UNC5D: variants seen among roughly 807,000 people sequenced by gnomAD.
UNC5D encodes the protein unc-5 netrin receptor D.
In UNC5D, 39 loss-of-function variants were observed where a neutral mutation model predicts 105.4. That is an observed-to-expected ratio of 0.37 (90% CI 0.29 to 0.48). UNC5D has a LOEUF of 0.48. Among genes scored for constraint, UNC5D ranks in the 20% least tolerant of loss-of-function variants. The pLI, the probability that UNC5D is intolerant of heterozygous loss-of-function variation, is 0.98. For missense variants in UNC5D, 991 were observed against 1,202.4 expected, an observed-to-expected ratio of 0.82 and a Z score of 2.60; for synonymous variants, 452 against 450.4, an observed-to-expected ratio of 1.00 and a Z score of -0.04.
At chr8:35,704,093 A>G (rs571438236) in intron 7 of UNC5D, among the ~76,000 whole-genome samples, 1 of 152,256 alleles carries the variant, frequency 6.6e-6, no homozygotes, top group Non-Finnish European at 1.5e-5. Flanking sequence ...TGATCATATC[A>G]ACATCAACAA....
At chr8:35,566,993 T>G (rs1817388708) in intron 2 of UNC5D, among the ~76,000 whole-genome samples, 1 of 151,726 alleles carries the variant, frequency 6.6e-6, no homozygotes, top group Admixed American at 6.6e-5. Flanking sequence ...TAGTCCTTGG[T>G]CAAAGGTGGA....
chr8:35,599,477 AT>A (rs1390753801), intron 4 of UNC5D, among the ~76,000 whole-genome samples: 7 of 152,202 alleles, frequency 4.6e-5, no homozygotes, highest in Non-Finnish European at 1.0e-4. Flanking sequence ...TACATGAAAA[AT>A]ATATACAATT....
intron 1 of UNC5D, among the ~76,000 whole-genome samples, chr8:35,237,188 T>G (rs1030944622): frequency 1.5e-4 from 22 of 144,932 alleles, no homozygotes; most frequent in Non-Finnish European, 2.0e-4. Context: ...AGTTTTTTTT[T>G]TTTTTTTTTT....
chr8:35,400,198 T>C (rs1024283158), intron 1 of UNC5D, among the ~76,000 whole-genome samples: 29 of 152,124 alleles, frequency 1.9e-4, no homozygotes, highest in African/African-American at 7.0e-4. Context: ...CATGTCTTTG[T>C]AGTGTAAGCC....
rs1432425793 is a variant in UNC5D at position 35,595,655 on chromosome 8, G to A, written c.568G>A (p.Glu190Lys). Reference protein sequence around the residue: ...CRPPEGVPAAEVEWLKNEEPI... With the variant: ...CRPPEGVPAAKVEWLKNEEPI... ...CCCACCAGAGGGAGTCCCTGCTGCCGAGGTAAGACAGGATCCTGGGACCAG... is the reference window on the plus strand; with the variant it reads ...CCCACCAGAGGGAGTCCCTGCTGCCAAGGTAAGACAGGATCCTGGGACCAG... The change falls in exon 4 of 17, where the codon GAG becomes AAG. Residue 190 changes from glutamate (E) to lysine (K), a missense_variant and splice_region_variant. Glu to Lys is a moderately conservative substitution (Grantham distance 56). Coordinates refer to ENST00000404895, the MANE Select transcript of UNC5D (RefSeq NM_080872.4). 1.1e-5 allele frequency: 18 copies of A among 1,613,812 alleles called. No individual in the cohort carries two copies. Among genetic ancestry groups the A allele is most frequent in the Admixed American group, 1.7e-5 (1 of 59,988 alleles).
intron 3 of UNC5D, among the ~76,000 whole-genome samples, chr8:35,580,122 G>C (rs1418791077): frequency 7.9e-5 from 12 of 152,122 alleles, no homozygotes; most frequent in Admixed American, 3.9e-4. Context: ...CATTAAGTAG[G>C]TTATGAATAG....
At chr8:35,604,467 G>T (rs182812205) in intron 4 of UNC5D, among the ~76,000 whole-genome samples, 2 of 152,122 alleles carry the variant, frequency 1.3e-5, no homozygotes, top group Non-Finnish European at 2.9e-5. Flanking sequence ...CTCTCTGGCT[G>T]CCCTTAACAT....
intron 2 of UNC5D, among the ~76,000 whole-genome samples, chr8:35,567,647 C>T (rs1327922020): frequency 6.6e-6 from 1 of 152,184 alleles, no homozygotes; most frequent in Non-Finnish European, 1.5e-5. Flanking sequence ...TCACTGACTC[C>T]TCTTTCTTCT....
At chr8:35,715,163 C>T (rs961056916) in intron 8 of UNC5D, among the ~76,000 whole-genome samples, 7 of 150,886 alleles carry the variant, frequency 4.6e-5, no homozygotes, top group Non-Finnish European at 8.9e-5. Context: ...AAAAAACAAA[C>T]AAAAAAAAGA....
chr8:35,351,870 A>G (rs1414628688), intron 1 of UNC5D, among the ~76,000 whole-genome samples: 1 of 152,116 alleles, frequency 6.6e-6, no homozygotes, highest in African/African-American at 2.4e-5. Flanking sequence ...GAAAATGACT[A>G]GTGCTGATAT....
intron 1 of UNC5D, among the ~76,000 whole-genome samples, chr8:35,501,530 G>T (rs1349016743): frequency 6.6e-6 from 1 of 152,176 alleles, no homozygotes; most frequent in Non-Finnish European, 1.5e-5. Context: ...TCAAAGCTTA[G>T]CTGAAGATGT....
intron 1 of UNC5D, among the ~76,000 whole-genome samples, chr8:35,375,125 T>G (rs543455591): frequency 5.3e-5 from 8 of 152,196 alleles, no homozygotes; most frequent in Non-Finnish European, 1.0e-4. Flanking sequence ...GGAAAAATAT[T>G]TTAAGTACAA....
At chr8:35,520,040 G>A (rs1322797874) in intron 1 of UNC5D, among the ~76,000 whole-genome samples, 1 of 151,978 alleles carries the variant, frequency 6.6e-6, no homozygotes, top group Non-Finnish European at 1.5e-5. Flanking sequence ...GCTGCCATAT[G>A]ACCCCCCCAA....
chr8:35,369,614 A>G (rs886628299), intron 1 of UNC5D, among the ~76,000 whole-genome samples: 1 of 152,158 alleles, frequency 6.6e-6, no homozygotes, highest in African/African-American at 2.4e-5. Flanking sequence ...GGCCATGTCC[A>G]TGCGTAGATG....
chr8:35,516,962 C>T (rs1034330386), intron 1 of UNC5D, among the ~76,000 whole-genome samples: 7 of 152,174 alleles, frequency 4.6e-5, no homozygotes, highest in Non-Finnish European at 7.3e-5. Context: ...GTAAGACAAA[C>T]GTCTTATTTG....
intron 8 of UNC5D, among the ~76,000 whole-genome samples, chr8:35,713,844 G>A (rs1828100804): frequency 6.6e-6 from 1 of 152,142 alleles, no homozygotes; most frequent in Non-Finnish European, 1.5e-5. Flanking sequence ...TAAGTAGTCA[G>A]GTTTGACCAA....
At chr8:35,736,076 A>G (rs1413306639) in intron 11 of UNC5D, among the ~76,000 whole-genome samples, 3 of 152,134 alleles carry the variant, frequency 2.0e-5, no homozygotes, top group Admixed American at 1.3e-4. Context: ...ATGAAACTGT[A>G]TATGCTTTTC....
intron 2 of UNC5D, 109 bp downstream of exon 2, chr8:35,549,619 G>C: frequency 2.0e-6 from 2 of 1,025,556 alleles, no homozygotes; most frequent in Non-Finnish European, 2.8e-6. Flanking sequence ...GTGTGAATGA[G>C]GTCATAGTTA....
At chr8:35,611,010 C>CAAAAAAAAAAAAAAA (rs11314770) in intron 4 of UNC5D, among the ~76,000 whole-genome samples, 7 of 60,100 alleles carry the variant, frequency 1.2e-4, no homozygotes, top group Admixed American at 2.0e-4. Context: ...GACAAAGAAG[C>CAAAAAAAAAAAAAAA]AAAAAAAAAA....
Sources: gnomAD v4.1 joint callset for allele counts (sites outside exome capture counted in the v4.1 genomes callset) on GRCh38, gnomAD v4.1.1 for gene constraint, MANE v1.5 for transcripts, NCBI Gene and HGNC (gene_info 2026-07-23, HGNC 2026-07-21) for gene names.